The following OSBPL1A variants were observed in gnomAD, a reference collection of about 807,000 sequenced individuals.
OSBPL1A encodes the protein oxysterol-binding protein-related protein 1.
A neutral mutation model predicts 137.1 loss-of-function variants in OSBPL1A; 80 were observed. The ratio of observed to expected loss-of-function variants is 0.58; its 90% CI spans 0.49 to 0.70. The LOEUF is 0.70. Among genes scored for constraint, OSBPL1A ranks in the 30% least tolerant of loss-of-function variants. OSBPL1A has a pLI of 0.00. For missense variants in OSBPL1A, 970 were observed against 1,129.4 expected, an observed-to-expected ratio of 0.86 and a Z score of 2.02; for synonymous variants, 365 against 389.7, an observed-to-expected ratio of 0.94 and a Z score of 0.75.
intron 17 of OSBPL1A, among the ~76,000 whole-genome samples, chr18:24,220,218 C>T (rs982060945): frequency 4.6e-5 from 7 of 152,246 alleles, no homozygotes; most frequent in Non-Finnish European, 7.3e-5. Flanking sequence ...GTGGTGCCCT[C>T]GTCTGACCTA....
At chr18:24,367,039 G>T in intron 3 of OSBPL1A, 73 bp from the exon 4 acceptor site, 1 of 1,288,058 alleles carries the variant, frequency 7.8e-7, no homozygotes, top group South Asian at 1.6e-5. Context: ...ATATATTAAG[G>T]CCTTAAAAAA....
chr18:24,365,415 T>A (rs2091689958), intron 4 of OSBPL1A, among the ~76,000 whole-genome samples: 1 of 152,062 alleles, frequency 6.6e-6, no homozygotes, highest in Admixed American at 6.6e-5. Context: ...TGAAACCCCA[T>A]CTCTACTAAA....
At chr18:24,363,917 C>T (rs954643732) in intron 4 of OSBPL1A, among the ~76,000 whole-genome samples, 1 of 151,926 alleles carries the variant, frequency 6.6e-6, no homozygotes, top group Non-Finnish European at 1.5e-5. Context: ...AGATTACAGG[C>T]GTGAGCCACT....
intron 17 of OSBPL1A, among the ~76,000 whole-genome samples, chr18:24,222,644 C>G (rs913443581): frequency 6.6e-6 from 1 of 152,096 alleles, no homozygotes; most frequent in Non-Finnish European, 1.5e-5. Context: ...ATTTTAACAG[C>G]TTCCACATTA....
At chr18:24,340,356 G>A (rs939707089) in intron 5 of OSBPL1A, among the ~76,000 whole-genome samples, 8 of 152,278 alleles carry the variant, frequency 5.3e-5, no homozygotes, top group African/African-American at 1.9e-4. Context: ...CTGCTGCCTG[G>A]TATATTGCAA....
intron 4 of OSBPL1A, among the ~76,000 whole-genome samples, chr18:24,364,146 G>C (rs1379718304): frequency 1.3e-5 from 2 of 152,174 alleles, no homozygotes; most frequent in Non-Finnish European, 2.9e-5. Context: ...CTACCACACA[G>C]GCAAATGGCA....
At chr18:24,274,893 A>G (rs1274235967) in intron 15 of OSBPL1A, among the ~76,000 whole-genome samples, 1 of 151,800 alleles carries the variant, frequency 6.6e-6, no homozygotes, top group Non-Finnish European at 1.5e-5. Context: ...TGGGCAACAG[A>G]GTAAGACTCC....
chr18:24,267,055 T>A (rs1308604636), intron 15 of OSBPL1A, among the ~76,000 whole-genome samples: 1 of 151,634 alleles, frequency 6.6e-6, no homozygotes, highest in African/African-American at 2.4e-5. Flanking sequence ...TGAGATTCAT[T>A]TGAAAAGAAA....
intron 1 of OSBPL1A, among the ~76,000 whole-genome samples, chr18:24,388,646 A>G (rs904806377): frequency 1.3e-5 from 2 of 151,970 alleles, no homozygotes; most frequent in African/African-American, 4.8e-5. Flanking sequence ...CTAAAAGTAC[A>G]AAAATTAGCC....
chr18:24,196,056 G>C (rs1599472516), intron 18 of OSBPL1A, 69 bp downstream of exon 18: 10 of 1,256,778 alleles, frequency 8.0e-6, no homozygotes, highest in Admixed American at 5.6e-5. Context: ...CAAACTTTTA[G>C]GTTCCTTTCT....
At chr18:24,349,738 A>G (rs1028508688) in intron 4 of OSBPL1A, among the ~76,000 whole-genome samples, 3 of 117,214 alleles carry the variant, frequency 2.6e-5, no homozygotes, top group African/African-American at 1.0e-4. Context: ...AGAAAAAAAA[A>G]AAAACAACAA....
chr18:24,327,740 T>C (rs1254727426), intron 7 of OSBPL1A, among the ~76,000 whole-genome samples: 1 of 152,170 alleles, frequency 6.6e-6, no homozygotes, highest in African/African-American at 2.4e-5. Context: ...TTTCAGAAGA[T>C]GCCATTCTGA....
At chr18:24,248,513 A>G (rs2088974278) in intron 15 of OSBPL1A, among the ~76,000 whole-genome samples, 2 of 152,234 alleles carry the variant, frequency 1.3e-5, no homozygotes, top group Non-Finnish European at 2.9e-5. Context: ...TGACCTCTGC[A>G]TATCTCTTCA....
chr18:24,269,628 T>TTACA (rs1343594359), intron 15 of OSBPL1A, among the ~76,000 whole-genome samples: 1 of 151,754 alleles, frequency 6.6e-6, no homozygotes, highest in Admixed American at 6.6e-5. Context: ...TGTATAGGGG[T>TTACA]TACACCCTTA....
At chr18:24,304,132 A>G (rs2090456683) in intron 13 of OSBPL1A, among the ~76,000 whole-genome samples, 1 of 152,200 alleles carries the variant, frequency 6.6e-6, no homozygotes, top group Admixed American at 6.5e-5. Context: ...TTCAGAAAAA[A>G]AAATCCAGAT....
chr18:24,334,226 G>A lies in OSBPL1A; in HGVS notation c.480+19C>T, dbSNP rs752779464. The A allele has an allele frequency of 3.8e-6, 6 of 1,583,896 alleles. No homozygotes were observed. Among genetic ancestry groups the A allele is most frequent in the Non-Finnish European group, 4.3e-6 (5 of 1,168,910 alleles). On this transcript the variant is annotated intron_variant, in intron 6 of 27. Coordinates refer to ENST00000319481, the MANE Select transcript of OSBPL1A (RefSeq NM_080597.4). ...GAAAGACTGCTTTTTGTCTTTTGGGGGTTTTTTGTTTGTTTTACCAGAGCT... is the reference window on the plus strand; with the variant it reads ...GAAAGACTGCTTTTTGTCTTTTGGGAGTTTTTTGTTTGTTTTACCAGAGCT...
intron 14 of OSBPL1A, among the ~76,000 whole-genome samples, chr18:24,296,343 A>G (rs1317193604): frequency 1.3e-5 from 2 of 152,144 alleles, no homozygotes; most frequent in Non-Finnish European, 2.9e-5. Context: ...TGATTTGTAT[A>G]CATTGATTTT....
Position 24,366,943 on chromosome 18 carries a change from C to T in OSBPL1A, c.231G>A (p.Leu77=). The change falls in exon 4 of 28, where the codon TTG becomes TTA. Residue 77 remains leucine (L), a synonymous_variant. Coordinates refer to ENST00000319481, the MANE Select transcript of OSBPL1A (RefSeq NM_080597.4). ...GAAGCGGCGTGTCTCCCATGTCATTCAACACATTCACTTCTGCACCAGCCT... is the reference window on the plus strand; with the variant it reads ...GAAGCGGCGTGTCTCCCATGTCATTTAACACATTCACTTCTGCACCAGCCT... ...LLKAGAEVNV[L]NDMGDTPLHR... The T allele has an allele frequency of 6.2e-7, 1 of 1,612,596 alleles. No homozygotes were observed. The highest frequency in any genetic ancestry group is 8.5e-7 in the Non-Finnish European group (1 of 1,179,336).
At chr18:24,341,785 G>T in intron 4 of OSBPL1A, 127 bp from the exon 5 acceptor site, 1 of 563,062 alleles carries the variant, frequency 1.8e-6, no homozygotes, top group Admixed American at 3.4e-5. Flanking sequence ...AATGTATCAC[G>T]TTATGTCTAT....
Sources: gnomAD v4.1 joint callset for allele counts (sites outside exome capture counted in the v4.1 genomes callset) on GRCh38, gnomAD v4.1.1 for gene constraint, MANE v1.5 for transcripts, NCBI Gene and HGNC (gene_info 2026-07-23, HGNC 2026-07-21) for gene names.